WDFY3: variants seen among roughly 807,000 people sequenced by gnomAD.
WDFY3 encodes WD repeat and FYVE domain-containing protein 3.
A neutral mutation model predicts 409.6 loss-of-function variants in WDFY3; 66 were observed. That is an observed-to-expected ratio of 0.16 (90% CI 0.13 to 0.20). The LOEUF (loss-of-function observed/expected upper bound fraction) is 0.20, where lower values mean the gene tolerates loss of function less well. WDFY3 is among the 10% of genes least tolerant of loss of function. The pLI, the probability that WDFY3 is intolerant of heterozygous loss-of-function variation, is 1.00. For missense variants in WDFY3, 3,031 were observed against 4,298.1 expected (o/e 0.71, Z 8.24); for synonymous variants, 1,521 against 1,537.1 (o/e 0.99, Z 0.25).
chr4:84,837,301 T>C (rs1247712267), intron 6 of WDFY3, among the ~76,000 whole-genome samples: 1 of 152,188 alleles, frequency 6.6e-6, no homozygotes. Context: ...TGTTATATAG[T>C]AAATTATCAA....
At chr4:84,763,972 T>C (rs1578414254) in intron 32 of WDFY3, among the ~76,000 whole-genome samples, 3 of 152,206 alleles carry the variant, frequency 2.0e-5, no homozygotes, top group Admixed American at 2.0e-4. Context: ...TAACCTTATG[T>C]AGTTAACAGT....
At chr4:84,787,351 T>C (rs756361828) in intron 23 of WDFY3, 131 bp downstream of exon 23, 16 of 809,048 alleles carry the variant, frequency 2.0e-5, no homozygotes, top group Non-Finnish European at 2.5e-5. Flanking sequence ...GTGAGTATCC[T>C]GCTGAAGAAG....
Position 84,751,490 on chromosome 4 carries a change from A to G in WDFY3, c.5966T>C (p.Leu1989Ser), listed in dbSNP as rs748770827. Reference protein sequence around the residue: ...ASKQTPLIDLLLEASPERSTR... With the variant: ...ASKQTPLIDLSLEASPERSTR... ...GCGTTTCTTTTTCTTTACCTCCAAC[A>G]AAAGATCAATTAGTGGAGTTTGCTT... Residue 1989 changes from leucine (L) to serine (S), a missense_variant, in exon 36 of 68, where the codon TTG becomes TCG. By Grantham distance (145) the Leu-to-Ser change is moderately radical. Transcript: ENST00000295888. 6.2e-7 allele frequency: 1 copy of G among 1,614,134 alleles called. No homozygotes were observed. The highest frequency in any genetic ancestry group is 1.1e-5 in the South Asian group (1 of 91,084).
intron 13 of WDFY3, among the ~76,000 whole-genome samples, chr4:84,813,891 C>T (rs1302630458): frequency 1.3e-5 from 2 of 152,094 alleles, no homozygotes; most frequent in Admixed American, 1.3e-4. Context: ...TCCTTTTTGT[C>T]TAACAGATAA....
chr4:84,915,458 G>C (rs1227183733), intron 2 of WDFY3, among the ~76,000 whole-genome samples: 1 of 152,042 alleles, frequency 6.6e-6, no homozygotes, highest in African/African-American at 2.4e-5. Context: ...TATAGTACTA[G>C]CTTCAAAGTA....
At position 84,669,780 on chromosome 4, in the gene WDFY3, A is replaced by G. The variant is rs1462359827; in HGVS notation, c.*3088T>C. The G allele has an allele frequency of 1.3e-5, 2 of 150,816 alleles. No individual in the cohort carries two copies. Among genetic ancestry groups the G allele is most frequent in the African/African-American group, 4.9e-5 (2 of 40,780 alleles). The allele number at this position is 150,816 out of a possible 1,614,324, so 9.3% of individuals were successfully genotyped here. ...TCTGCAATATAGTATAAAAGTCCAC[A>G]ATCAATCCAGTCTTAGCCAGTATCT... On this transcript the variant is annotated 3_prime_UTR_variant, in exon 68 of 68. Transcript: ENST00000295888.
intron 25 of WDFY3, among the ~76,000 whole-genome samples, chr4:84,780,697 G>T (rs1746341609): frequency 6.6e-6 from 1 of 152,116 alleles, no homozygotes; most frequent in African/African-American, 2.4e-5. Context: ...CTAGGAGTTG[G>T]AGGTTGCAGT....
At chr4:84,944,718 T>TG (rs1772588754) in intron 1 of WDFY3, among the ~76,000 whole-genome samples, 1 of 149,752 alleles carries the variant, frequency 6.7e-6, no homozygotes. Context: ...TGCTTGAACC[T>TG]GGGAGGCAGG....
intron 10 of WDFY3, among the ~76,000 whole-genome samples, chr4:84,825,360 T>G (rs1175951077): frequency 6.7e-6 from 1 of 149,630 alleles, no homozygotes; most frequent in Non-Finnish European, 1.5e-5. Context: ...AGTCTCTATT[T>G]TTTTTTTTTT....
chr4:84,713,286 G>A (rs758070518), intron 50 of WDFY3, 47 bp from the exon 51 acceptor site: 2 of 1,518,282 alleles, frequency 1.3e-6, no homozygotes, highest in South Asian at 2.2e-5. Flanking sequence ...GTCTCAGTCA[G>A]GATCTAATGG....
chr4:84,786,882 G>A (rs1747650758), intron 23 of WDFY3, among the ~76,000 whole-genome samples: 2 of 152,144 alleles, frequency 1.3e-5, no homozygotes, highest in Non-Finnish European at 2.9e-5. Context: ...TTAGGATTAT[G>A]ACCATTTACA....
intron 67 of WDFY3, among the ~76,000 whole-genome samples, chr4:84,675,637 C>A (rs934625394): frequency 1.3e-5 from 2 of 152,124 alleles, no homozygotes; most frequent in African/African-American, 4.8e-5. Flanking sequence ...AAAGACTATG[C>A]CCATACCAGT....
chr4:84,705,274 A>C, intron 54 of WDFY3, 120 bp downstream of exon 54: 1 of 751,092 alleles, frequency 1.3e-6, no homozygotes, highest in South Asian at 1.8e-5. Flanking sequence ...GTGGACATAT[A>C]ATACATATAG....
intron 36 of WDFY3, 73 bp downstream of exon 36, chr4:84,751,398 CCTTGTTATAGAA>C: frequency 1.5e-6 from 2 of 1,374,996 alleles, no homozygotes; most frequent in South Asian, 2.5e-5. Context: ...AATTAGAAAT[CCTTGTTATAGAA>C]CTTGTTTGGT....
chr4:84,905,249 T>C (rs993579060), intron 2 of WDFY3, among the ~76,000 whole-genome samples: 1 of 152,206 alleles, frequency 6.6e-6, no homozygotes, highest in Non-Finnish European at 1.5e-5. Flanking sequence ...GGCAAGAGAA[T>C]AGCTTGAACT....
At chr4:84,775,365 T>C (rs1179393904) in intron 27 of WDFY3, among the ~76,000 whole-genome samples, 1 of 151,848 alleles carries the variant, frequency 6.6e-6, no homozygotes, top group African/African-American at 2.4e-5. Flanking sequence ...TCAAATACCC[T>C]CCATATGCTA....
rs1445417678 is a variant in WDFY3 at position 84,740,396 on chromosome 4, T to A, written c.6255A>T (p.Gly2085=). 1 of 1,614,128 alleles carries A rather than the reference T, an allele frequency of 6.2e-7. No individual in the cohort carries two copies. The highest frequency in any genetic ancestry group is 8.5e-7 in the Non-Finnish European group (1 of 1,180,008). The change falls in exon 39 of 68, where the codon GGA becomes GGT. Residue 2085 remains glycine, a synonymous_variant. Coordinates refer to ENST00000295888, the MANE Select transcript of WDFY3 (RefSeq NM_014991.6). ...AATGATACACTGCATCCAGTGACAA[T>A]CCCTGTGATCTTCTCTTTGACTAAA... ...LIAQSKRRSQ[G]LSLDAVYHCL...
chr4:84,774,685 T>C (rs992981042), intron 29 of WDFY3, 135 bp downstream of exon 29: 3 of 960,034 alleles, frequency 3.1e-6, no homozygotes, highest in South Asian at 4.2e-5. Flanking sequence ...CCATGCGTCA[T>C]AAATATTTTG....
intron 5 of WDFY3, among the ~76,000 whole-genome samples, chr4:84,842,219 G>A (rs1358463319): frequency 6.6e-6 from 1 of 152,170 alleles, no homozygotes; most frequent in Non-Finnish European, 1.5e-5. Flanking sequence ...GCTCACACCT[G>A]TAATCCCAGC....
Sources: allele counts gnomAD v4.1 joint callset (sites outside exome capture counted in the v4.1 genomes callset), GRCh38; gene constraint gnomAD v4.1.1; transcripts MANE v1.5; gene names NCBI Gene and HGNC (gene_info 2026-07-23, HGNC 2026-07-21).